Variants in DST observed in about 807,000 individuals in gnomAD.
The protein encoded by DST is bullous pemphigoid antigen.
In DST, 253 loss-of-function variants were observed where a neutral mutation model predicts 875.2. That is an observed-to-expected ratio of 0.29 (90% confidence interval 0.26 to 0.32). DST has a LOEUF of 0.32. Ranked by LOEUF, DST falls within the 10% of genes least tolerant of loss-of-function variation. The pLI, the probability that DST is intolerant of heterozygous loss-of-function variation, is 1.00. For synonymous variants in DST, 3,124 were observed against 3,197.1 expected, an observed-to-expected ratio of 0.98 and a Z score of 0.77; for missense variants, 8,287 against 9,111.6, an observed-to-expected ratio of 0.91 and a Z score of 3.68.
chr6:56,829,631 A>C (rs946017305), intron 4 of DST, among the ~76,000 whole-genome samples: 5 of 152,204 alleles, frequency 3.3e-5, no homozygotes, highest in African/African-American at 1.2e-4. Flanking sequence ...TGCCATAAAC[A>C]ATGGAAAGTA....
At chr6:56,490,827 T>C (rs898499958) in intron 85 of DST, among the ~76,000 whole-genome samples, 4 of 152,190 alleles carry the variant, frequency 2.6e-5, no homozygotes, top group Non-Finnish European at 4.4e-5. Flanking sequence ...GGTTCTGCTT[T>C]CAAAACTATT....
chr6:56,751,974 C>A (rs1003508768), intron 4 of DST, among the ~76,000 whole-genome samples: 1 of 152,148 alleles, frequency 6.6e-6, no homozygotes, highest in Non-Finnish European at 1.5e-5. Flanking sequence ...GCATACAAAT[C>A]TCTATAAGTT....
chr6:56,886,232 G>C (rs1784617189), intron 3 of DST, among the ~76,000 whole-genome samples: 1 of 152,188 alleles, frequency 6.6e-6, no homozygotes, highest in Non-Finnish European at 1.5e-5. Flanking sequence ...CATTGTCAGA[G>C]ATAAAGACTA....
At position 56,608,033 on chromosome 6, in the gene DST, T is replaced by G. The variant is rs751808765; in HGVS notation, c.6595A>C (p.Lys2199Gln). The G allele has an allele frequency of 1.9e-6, 3 of 1,612,824 alleles. No homozygotes were observed. Among genetic ancestry groups the G allele is most frequent in the Admixed American group, 3.3e-5 (2 of 59,902 alleles). Reference protein sequence around the residue: ...VTTQTSEETKKLFLSYLMINS... With the variant: ...VTTQTSEETKQLFLSYLMINS... ...ATCATTAAATAAGATAGAAATAATT[T>G]TTTAGTTTCTTCTGAGGTCTGAGTA... is the stretch of plus-strand genomic sequence containing the variant. Residue 2199 changes from lysine to glutamine, a missense_variant, in exon 40 of 104, where the codon AAA (lysine) becomes CAA (glutamine). Physicochemically the swap from Lys to Gln is moderately conservative, Grantham distance 53. This residue lies in a region of DST where 3,138 missense variants were observed against 3,116.6 expected (regional missense o/e 1.01). Transcript: ENST00000680361.
chr6:56,468,907 C>T, intron 98 of DST, 75 bp downstream of exon 98: 3 of 1,254,684 alleles, frequency 2.4e-6, no homozygotes, highest in Non-Finnish European at 2.2e-6. Flanking sequence ...TTGGCCATGG[C>T]AAGCTTTAAT....
At chr6:56,623,812 T>C (rs1195436020) in intron 36 of DST, among the ~76,000 whole-genome samples, 1 of 152,174 alleles carries the variant, frequency 6.6e-6, no homozygotes, top group Non-Finnish European at 1.5e-5. Context: ...CAAGAGCCTT[T>C]GGTGACCACT....
At chr6:56,489,398 T>C (rs936217174) in intron 86 of DST, 92 bp downstream of exon 86, 2 of 1,319,476 alleles carry the variant, frequency 1.5e-6, no homozygotes, top group South Asian at 2.1e-5. Flanking sequence ...ATTTTTTCTT[T>C]AGTGATGAAT....
Position 56,821,250 on chromosome 6 carries a change from T to G in DST, c.625+30147A>C, listed in dbSNP as rs1226295026. ...CAATTACTCACTGCATGTCTTCTGT[T>G]GGGATCTAGTGCAATACATGGCATA... On this transcript the variant is annotated intron_variant, in intron 4 of 103. Coordinates refer to ENST00000680361, the MANE Select transcript of DST (RefSeq NM_001374736.1). Among the ~76,000 whole-genome samples the G allele has an allele frequency of 3.5e-4, 54 of 152,198 alleles. 1 individual carries two copies. The highest frequency in any genetic ancestry group is 3.5e-3 in the Admixed American group (54 of 15,278).
chr6:56,466,816 A>C (rs2094596868), intron 98 of DST: 1 of 152,228 alleles, frequency 6.6e-6, no homozygotes, highest in Non-Finnish European at 1.5e-5. Flanking sequence ...GGCTGGATTA[A>C]TATGCCATTT....
At chr6:56,663,703 T>C (rs1178279341) in intron 10 of DST, among the ~76,000 whole-genome samples, 1 of 152,232 alleles carries the variant, frequency 6.6e-6, no homozygotes, top group African/African-American at 2.4e-5. Context: ...AATTACAGCA[T>C]CTTTAAACTT....
intron 80 of DST, among the ~76,000 whole-genome samples, chr6:56,499,925 C>A (rs2096065064): frequency 6.6e-6 from 1 of 152,106 alleles, no homozygotes; most frequent in South Asian, 2.1e-4. Context: ...ATAATGTAGA[C>A]ATTAAATAAT....
Position 56,640,638 on chromosome 6 carries a change from T to TA in DST, c.2028-34dup, listed in dbSNP as rs768997106. The TA allele has an allele frequency of 2.8e-5, 42 of 1,510,824 alleles. No individual in the cohort carries two copies. In the Admixed American group the frequency reaches 3.0e-4, roughly 11 times the overall value. 93.6% of individuals were successfully genotyped at this position (1,510,824 alleles called of 1,614,324 possible). ...GAAAATCCAAAGGGATAAGGTGAAA[T>TA]ATAAAGGCACTTGTAACAAAGAGTG... is the stretch of plus-strand genomic sequence containing the variant. On this transcript the variant is annotated intron_variant, in intron 17 of 103. Transcript: ENST00000680361.
chr6:56,689,841 A>G (rs1362847786), intron 9 of DST, among the ~76,000 whole-genome samples: 4 of 152,186 alleles, frequency 2.6e-5, no homozygotes, highest in Non-Finnish European at 5.9e-5. Flanking sequence ...ATATCAACTT[A>G]ACAAAACTGG....
chr6:56,888,278 A>T (rs1785613023), intron 3 of DST, among the ~76,000 whole-genome samples: 1 of 152,172 alleles, frequency 6.6e-6, no homozygotes, highest in Non-Finnish European at 1.5e-5. Context: ...AATTCTATTA[A>T]TTATGAACCT....
At chr6:56,487,360 T>A (rs1481757542) in intron 86 of DST, 87 bp from the exon 87 acceptor site, 1 of 1,178,038 alleles carries the variant, frequency 8.5e-7, no homozygotes. Context: ...CCCTAATAAA[T>A]GGAGATGAAT....
chr6:56,755,144 A>C (rs922194934), intron 4 of DST, among the ~76,000 whole-genome samples: 10 of 152,098 alleles, frequency 6.6e-5, no homozygotes, highest in African/African-American at 2.4e-4. Context: ...AAAAAAAAAA[A>C]AAACAAGACA....
intron 10 of DST, among the ~76,000 whole-genome samples, chr6:56,660,802 A>T (rs2099036354): frequency 6.6e-6 from 1 of 151,896 alleles, no homozygotes; most frequent in Non-Finnish European, 1.5e-5. Context: ...ATTAACAACA[A>T]GGTAGACAGC....
chr6:56,486,456 ATCTTGATACTGAC>A, intron 87 of DST, among the ~76,000 whole-genome samples: 1 of 150,612 alleles, frequency 6.6e-6, no homozygotes, highest in Non-Finnish European at 1.5e-5. Context: ...AATCTATTTA[ATCTTGATACTGAC>A]AAAAATCATT....
At chr6:56,491,942 C>T (rs540490410) in intron 85 of DST, among the ~76,000 whole-genome samples, 1 of 152,284 alleles carries the variant, frequency 6.6e-6, no homozygotes, top group East Asian at 1.9e-4. Flanking sequence ...AAAAAAAATT[C>T]TGAGCTTCTT....
Sources: allele counts gnomAD v4.1 joint callset (sites outside exome capture counted in the v4.1 genomes callset), GRCh38; gene constraint gnomAD v4.1.1; regional missense constraint gnomAD v4.1.1; transcripts MANE v1.5; gene names NCBI Gene and HGNC (gene_info 2026-07-23, HGNC 2026-07-21).